Variants in AGK observed in about 807,000 individuals in gnomAD.
The protein encoded by AGK is acylglycerol kinase.
Under a neutral mutation model 66.4 loss-of-function variants are expected in AGK, and 52 were observed. The observed-to-expected ratio is 0.78, with a 90% CI of 0.63 to 0.99. AGK has a LOEUF of 0.99. AGK is among the 50% of genes least tolerant of loss of function. The pLI is 0.00. For missense variants in AGK, 451 were observed against 506.6 expected (o/e 0.89, Z 1.05); for synonymous variants, 182 against 181.1 (o/e 1.00, Z -0.04).
chr7:141,649,667 A>G (rs567193261), intron 14 of AGK, among the ~76,000 whole-genome samples: 9 of 152,234 alleles, frequency 5.9e-5, no homozygotes, highest in Non-Finnish European at 1.2e-4. Context: ...ACCCGACGTC[A>G]TGACTCGGAT....
intron 8 of AGK, among the ~76,000 whole-genome samples, chr7:141,617,137 GTTACA>G (rs1796723863): frequency 6.6e-6 from 1 of 152,070 alleles, no homozygotes; most frequent in Admixed American, 6.6e-5. Flanking sequence ...TCAGGTGTTG[GTTACA>G]TTAGAGAGCT....
intron 2 of AGK, among the ~76,000 whole-genome samples, chr7:141,574,668 TCATTAAGTCATTTC>T (rs1420714932): frequency 6.6e-6 from 1 of 152,206 alleles, no homozygotes; most frequent in Non-Finnish European, 1.5e-5. Context: ...GATACATTTT[TCATTAAGTCATTTC>T]CCATCCTGAA....
chr7:141,622,093 C>T (rs1468261366), intron 9 of AGK, among the ~76,000 whole-genome samples: 14 of 141,706 alleles, frequency 9.9e-5, no homozygotes, highest in Non-Finnish European at 7.7e-5. Context: ...CACTTAGCTA[C>T]TTTTTTTTTT....
In AGK at chr7:141,615,422, T is replaced by G. The variant is rs750546727; in HGVS notation, c.424-49T>G. ...CACACCTGTGCTTCTCCATTAAGCC[T>G]GATTTTCTGATCATAACAATAAAAC... On this transcript the variant is annotated intron_variant, in intron 7 of 15. Transcript: ENST00000649286. 20 of 1,514,486 alleles carry G rather than the reference T, an allele frequency of 1.3e-5. No homozygotes were observed. The East Asian group carries it at 4.3e-4, about 32-fold the overall frequency. 93.8% of individuals were successfully genotyped at this position (1,514,486 alleles called of 1,614,324 possible). A position where few individuals can be genotyped will look rare whatever the true frequency, so the allele number is the denominator to read the frequency against.
intron 2 of AGK, among the ~76,000 whole-genome samples, chr7:141,568,353 TC>T (rs931588930): frequency 2.0e-5 from 3 of 152,320 alleles, no homozygotes; most frequent in African/African-American, 4.8e-5. Flanking sequence ...GGGGACCTTG[TC>T]CTCGCTCTTC....
chr7:141,648,695 C>T (rs1240016486), intron 13 of AGK, among the ~76,000 whole-genome samples: 2 of 152,166 alleles, frequency 1.3e-5, no homozygotes, highest in South Asian at 4.1e-4. Flanking sequence ...GCCATTTTGT[C>T]GTAGCTCAAA....
chr7:141,569,014 C>T (rs936056058), intron 2 of AGK, among the ~76,000 whole-genome samples: 1 of 152,184 alleles, frequency 6.6e-6, no homozygotes, highest in Non-Finnish European at 1.5e-5. Flanking sequence ...TAGCAATGGT[C>T]CTGGTCCTTG....
intron 5 of AGK, among the ~76,000 whole-genome samples, chr7:141,605,704 C>G (rs1430071343): frequency 6.6e-6 from 1 of 152,090 alleles, no homozygotes; most frequent in African/African-American, 2.4e-5. Context: ...TGAGTGTTAT[C>G]ATCTTTATTT....
chr7:141,623,161 CT>C (rs1002313886), intron 9 of AGK, among the ~76,000 whole-genome samples: 1 of 151,982 alleles, frequency 6.6e-6, no homozygotes, highest in Non-Finnish European at 1.5e-5. Flanking sequence ...GGGTGGATCA[CT>C]TGACGTTGGG....
intron 15 of AGK, 131 bp downstream of exon 15, chr7:141,651,740 G>A (rs1041635283): frequency 1.2e-6 from 1 of 841,406 alleles, no homozygotes; most frequent in Admixed American, 2.0e-5. Context: ...CAAGCATTTT[G>A]CCAGGCTCTG....
intron 13 of AGK, among the ~76,000 whole-genome samples, chr7:141,648,890 G>A (rs1260939229): frequency 6.6e-6 from 1 of 152,178 alleles, no homozygotes; most frequent in African/African-American, 2.4e-5. Flanking sequence ...CTCATGTACA[G>A]TGAACACTGA....
chr7:141,615,740 T>A, intron 8 of AGK, 175 bp downstream of exon 8: 1 of 602,732 alleles, frequency 1.7e-6, no homozygotes, highest in South Asian at 2.0e-5. Flanking sequence ...CCCAACTTGG[T>A]TGTGGGACTC....
At chr7:141,638,448 G>A (rs897203273) in intron 11 of AGK, among the ~76,000 whole-genome samples, 1 of 152,104 alleles carries the variant, frequency 6.6e-6, no homozygotes, top group African/African-American at 2.4e-5. Flanking sequence ...TATCCTTAAA[G>A]CAATGGGGAG....
chr7:141,596,499 A>C (rs755055107), intron 3 of AGK, 63 bp from the exon 4 acceptor site: 28 of 1,433,524 alleles, frequency 2.0e-5, no homozygotes, highest in Non-Finnish European at 2.7e-5. Context: ...GAATGAAAGA[A>C]TACATGTGAC....
chr7:141,629,731 G>C (rs1422123943), intron 9 of AGK, among the ~76,000 whole-genome samples: 2 of 151,974 alleles, frequency 1.3e-5, no homozygotes, highest in Non-Finnish European at 2.9e-5. Flanking sequence ...GTGGAACTTT[G>C]GGGTCACAAG....
chr7:141,641,152 A>G, intron 11 of AGK, 96 bp from the exon 12 acceptor site: 1 of 1,106,952 alleles, frequency 9.0e-7, no homozygotes, highest in East Asian at 2.5e-5. Context: ...ACTTTCTAGC[A>G]GGTATAGGTA....
intron 2 of AGK, among the ~76,000 whole-genome samples, chr7:141,563,769 T>A (rs1304426983): frequency 3.3e-5 from 5 of 152,232 alleles, no homozygotes; most frequent in Non-Finnish European, 7.3e-5. Flanking sequence ...TCTTCAGTGT[T>A]ATTAGGATTT....
At chr7:141,612,119 C>A (rs912481872) in intron 6 of AGK, among the ~76,000 whole-genome samples, 1 of 152,162 alleles carries the variant, frequency 6.6e-6, no homozygotes, top group Non-Finnish European at 1.5e-5. Flanking sequence ...GAGATATATT[C>A]AGACAATAGG....
chr7:141,594,101 G>A (rs758431847), intron 3 of AGK: 1 of 152,004 alleles, frequency 6.6e-6, no homozygotes, highest in African/African-American at 2.4e-5. Flanking sequence ...TGTGTTTTAC[G>A]AATTTGATTA....
Sources: gnomAD v4.1 joint callset for allele counts (sites outside exome capture counted in the v4.1 genomes callset) on GRCh38, gnomAD v4.1.1 for gene constraint, MANE v1.5 for transcripts, NCBI Gene and HGNC (gene_info 2026-07-23, HGNC 2026-07-21) for gene names.